Variants in R3HCC1L observed in about 807,000 individuals in gnomAD.
R3HCC1L encodes the protein coiled-coil domain-containing protein R3HCC1L.
In R3HCC1L, 51 loss-of-function variants were observed where a neutral mutation model predicts 59.9. The observed-to-expected ratio is 0.85, with a 90% CI of 0.68 to 1.07. R3HCC1L has a LOEUF of 1.07. R3HCC1L is among the 50% of genes least tolerant of loss of function. The pLI is 0.00. For synonymous variants in R3HCC1L, 322 were observed against 315.2 expected (o/e 1.02, Z -0.23); for missense variants, 965 against 933.0 (o/e 1.03, Z -0.45).
At chr10:98,166,095 G>A (rs1009545392) in intron 4 of R3HCC1L, among the ~76,000 whole-genome samples, 10 of 152,298 alleles carry the variant, frequency 6.6e-5, no homozygotes, top group East Asian at 1.9e-4. Context: ...ACTTGAACCC[G>A]GAGGTGGAGG....
At chr10:98,197,723 G>C (rs1851595302) in intron 4 of R3HCC1L, among the ~76,000 whole-genome samples, 1 of 152,164 alleles carries the variant, frequency 6.6e-6, no homozygotes, top group East Asian at 1.9e-4. Context: ...CTACACTGAA[G>C]AAGAGAGGCA....
intron 2 of R3HCC1L, among the ~76,000 whole-genome samples, chr10:98,158,526 C>T (rs866724602): frequency 3.3e-5 from 5 of 152,168 alleles, no homozygotes; most frequent in African/African-American, 7.2e-5. Context: ...ATTTCTCTCT[C>T]GTGAGAGTAA....
chr10:98,175,379 A>G (rs1403402295), intron 4 of R3HCC1L, among the ~76,000 whole-genome samples: 1 of 152,136 alleles, frequency 6.6e-6, no homozygotes, highest in East Asian at 1.9e-4. Context: ...GTGAATTTTG[A>G]CAAACATGCA....
chr10:98,215,184 A>T (rs1854031767), intron 5 of R3HCC1L, among the ~76,000 whole-genome samples: 2 of 152,218 alleles, frequency 1.3e-5, no homozygotes, highest in Non-Finnish European at 1.5e-5. Flanking sequence ...GAAGGATAAC[A>T]ATATTTAAAC....
At chr10:98,205,860 C>A (rs1032116859) in intron 4 of R3HCC1L, among the ~76,000 whole-genome samples, 1 of 152,138 alleles carries the variant, frequency 6.6e-6, no homozygotes, top group Non-Finnish European at 1.5e-5. Context: ...TAGAGTTTCT[C>A]TAGTATATGT....
rs766673685 is a variant in R3HCC1L, at chr10:98,235,521, G to A, written c.2128+1G>A. On this transcript the variant is annotated splice_donor_variant, in intron 8 of 9. Transcript: ENST00000298999. LOFTEE classifies it high-confidence loss of function. ...AAGGCCAAAGCTAGAGCTTATGCTG[G>A]TGAGTCTATAATCTCTGGGTTTTTT... The A allele has an allele frequency of 8.1e-6, 13 of 1,606,988 alleles. No individual in the cohort carries two copies. Among genetic ancestry groups the A allele is most frequent in the Non-Finnish European group, 1.0e-5 (12 of 1,175,810 alleles).
intron 4 of R3HCC1L, among the ~76,000 whole-genome samples, chr10:98,198,225 A>T (rs183701727): frequency 3.9e-5 from 6 of 152,142 alleles, no homozygotes; most frequent in Non-Finnish European, 8.8e-5. Context: ...CTAGAATTTA[A>T]AAGTGTATAA....
chr10:98,170,195 G>A (rs906059283), intron 4 of R3HCC1L, among the ~76,000 whole-genome samples: 2 of 152,016 alleles, frequency 1.3e-5, no homozygotes, highest in Non-Finnish European at 2.9e-5. Context: ...CTATAATGGT[G>A]GTAAAACTGC....
At chr10:98,199,999 G>A (rs1016288535) in intron 4 of R3HCC1L, among the ~76,000 whole-genome samples, 8 of 151,970 alleles carry the variant, frequency 5.3e-5, no homozygotes, top group Admixed American at 2.6e-4. Flanking sequence ...AAACTCTTGA[G>A]GGTTTCACCA....
intron 2 of R3HCC1L, among the ~76,000 whole-genome samples, chr10:98,162,384 A>G (rs746140041): frequency 6.6e-6 from 1 of 152,218 alleles, no homozygotes; most frequent in Non-Finnish European, 1.5e-5. Context: ...ACAGCTTTCC[A>G]TATTAATAAA....
At chr10:98,184,781 T>G (rs976966438) in intron 4 of R3HCC1L, among the ~76,000 whole-genome samples, 2 of 152,188 alleles carry the variant, frequency 1.3e-5, no homozygotes, top group African/African-American at 4.8e-5. Flanking sequence ...ATCTTGCCCC[T>G]TCTTTAAGCA....
chr10:98,152,176 A>G (rs1404206781), intron 1 of R3HCC1L, among the ~76,000 whole-genome samples: 1 of 152,206 alleles, frequency 6.6e-6, no homozygotes, highest in Non-Finnish European at 1.5e-5. Context: ...GCTGGTCTCC[A>G]GCTCCTAACC....
At position 98,178,033 on chromosome 10, in the gene R3HCC1L, T is replaced by C. The variant is rs1040611850; in HGVS notation, c.-15+14636T>C. ...CTGTTCACTCTGATGGTAGTTTCTTTTGCCGTGCAGAAGCTCTTTAGTTTA... is the reference window on the plus strand; with the variant it reads ...CTGTTCACTCTGATGGTAGTTTCTTCTGCCGTGCAGAAGCTCTTTAGTTTA... On this transcript the variant is annotated intron_variant, in intron 4 of 9. Transcript: ENST00000298999. Among the ~76,000 whole-genome samples, 133 of 152,312 alleles carry C rather than the reference T, an allele frequency of 8.7e-4. 3 individuals carry two copies. The highest frequency in any genetic ancestry group is 2.2e-4 in the Non-Finnish European group (15 of 68,026).
At chr10:98,230,925 C>T (rs1856305966) in intron 5 of R3HCC1L, 2 of 243,358 alleles carry the variant, frequency 8.2e-6, no homozygotes, top group Non-Finnish European at 1.7e-5. Context: ...ATGCACATTC[C>T]TTAAGGTAGG....
Position 98,208,577 on chromosome 10 carries a change from G to A in R3HCC1L, c.463G>A (p.Val155Met), listed in dbSNP as rs146588639. 4.6e-4 allele frequency: 749 copies of A among 1,614,144 alleles called. 7 individuals carry two copies. The African/African-American group carries it at 8.5e-3, about 18-fold the overall frequency. Reference protein sequence around the residue: ...VECLEVETTDVTGHERILLSQ... With the variant: ...VECLEVETTDMTGHERILLSQ... ...GTGTTTGGAAGTTGAAACTACGGAT[G>A]TGACAGGACATGAGAGGATACTTCT... Residue 155 changes from valine (V) to methionine (M), a missense_variant, in exon 5 of 10, where the codon GTG becomes ATG. Transcript: ENST00000298999.
chr10:98,221,763 G>A (rs1249277946), intron 5 of R3HCC1L, among the ~76,000 whole-genome samples: 1 of 152,186 alleles, frequency 6.6e-6, no homozygotes, highest in African/African-American at 2.4e-5. Context: ...CCAGTACCAT[G>A]CTGTTTTGGT....
intron 1 of R3HCC1L, among the ~76,000 whole-genome samples, chr10:98,149,270 A>G (rs1845932636): frequency 6.6e-6 from 1 of 151,958 alleles, no homozygotes; most frequent in Non-Finnish European, 1.5e-5. Context: ...TTCTTAGTTT[A>G]GCTGAAGTTT....
chr10:98,188,101 A>C (rs986927502), intron 4 of R3HCC1L, among the ~76,000 whole-genome samples: 2 of 152,084 alleles, frequency 1.3e-5, no homozygotes, highest in Middle Eastern at 3.4e-3. Flanking sequence ...ACACACACAC[A>C]ATCTCAAATT....
chr10:98,159,385 A>G (rs1181478005), intron 2 of R3HCC1L, among the ~76,000 whole-genome samples: 1 of 152,180 alleles, frequency 6.6e-6, no homozygotes, highest in Non-Finnish European at 1.5e-5. Flanking sequence ...TTTTAAGTGT[A>G]TAGCTTAGTG....
Sources: allele counts gnomAD v4.1 joint callset (sites outside exome capture counted in the v4.1 genomes callset), GRCh38; gene constraint gnomAD v4.1.1; transcripts MANE v1.5; gene names NCBI Gene and HGNC (gene_info 2026-07-23, HGNC 2026-07-21).